The following PRSS36 variants were observed in gnomAD, a reference collection of about 807,000 sequenced individuals.
PRSS36 encodes the protein serine protease 36, also known as polyserase-2.
In PRSS36, 90 loss-of-function variants were observed where a neutral mutation model predicts 94.3. That is an observed-to-expected ratio of 0.95 (90% confidence interval 0.80 to 1.14). The LOEUF (loss-of-function observed/expected upper bound fraction) is 1.14. Among genes scored for constraint, PRSS36 ranks in the 50% most tolerant of loss-of-function variants. The pLI is 0.00. For synonymous variants in PRSS36, 500 were observed against 489.6 expected (o/e 1.02, Z -0.28); for missense variants, 1,158 against 1,135.0 (o/e 1.02, Z -0.29).
chr16:31,143,947 C>T, intron 6 of PRSS36, 110 bp from the exon 7 acceptor site: 2 of 1,391,954 alleles, frequency 1.4e-6, no homozygotes, highest in Admixed American at 2.0e-5. Context: ...TCCTAGAAAC[C>T]CTCCTTGGCT....
chr16:31,142,719 C>A lies in PRSS36; in HGVS notation c.1357+18G>T. On this transcript the variant is annotated intron_variant, in intron 9 of 14. Coordinates refer to ENST00000268281, the MANE Select transcript of PRSS36 (RefSeq NM_173502.5). ...CACCGCCCGGTGCCGCCCGGCCCAGCGCCGGTCCCCAGCTCACCCCCGCGG... is the reference window on the plus strand; with the variant it reads ...CACCGCCCGGTGCCGCCCGGCCCAGAGCCGGTCCCCAGCTCACCCCCGCGG... 1 of 1,357,896 alleles carries A rather than the reference C, an allele frequency of 7.4e-7. No individual in the cohort carries two copies. Among genetic ancestry groups the A allele is most frequent in the Non-Finnish European group, 9.5e-7 (1 of 1,054,734 alleles). 84.1% of individuals were successfully genotyped at this position (1,357,896 alleles called of 1,614,324 possible).
Position 31,139,201 on chromosome 16 carries a change from C to CCGT in PRSS36, c.2504_2505insACG (p.Lys835_Ala836insArg). The CCGT allele has an allele frequency of 1.2e-6, 2 of 1,611,094 alleles. No homozygotes were observed. The highest frequency in any genetic ancestry group is 1.7e-6 in the Non-Finnish European group (2 of 1,177,996). ...AGACTGCATGCGGGGATCCCGAGGC[C>CCGT]TTGGCCAGTTCTGGGGGGCAGAGAT... On this transcript the variant is annotated inframe_insertion, in exon 15 of 15. Transcript: ENST00000268281.
intron 8 of PRSS36, 61 bp downstream of exon 8, chr16:31,143,281 G>C (rs1203675774): frequency 7.8e-6 from 12 of 1,531,442 alleles, no homozygotes; most frequent in Non-Finnish European, 1.1e-5. Flanking sequence ...GGGCCGAATG[G>C]ATGGTATCTC....
chr16:31,143,241 GCCC>G (rs555757722), intron 8 of PRSS36, 98 bp downstream of exon 8: 3 of 1,478,186 alleles, frequency 2.0e-6, no homozygotes, highest in Admixed American at 4.7e-5. Context: ...ATGGGACCCC[GCCC>G]CCCCCACACC....
At chr16:31,148,311 A>G (rs919136469) in intron 5 of PRSS36, 84 bp downstream of exon 5, 3 of 1,400,034 alleles carry the variant, frequency 2.1e-6, no homozygotes, top group East Asian at 5.3e-5. Flanking sequence ...CCGTGGCCCC[A>G]CCTCCTGAGG....
rs1209976930 is a variant in PRSS36, at chr16:31,140,428, G to A, written c.2168-13C>T. 1 of 1,612,014 alleles carries A rather than the reference G, an allele frequency of 6.2e-7. No individual in the cohort carries two copies. Among genetic ancestry groups the A allele is most frequent in the South Asian group, 1.1e-5 (1 of 90,748 alleles). Reference sequence around the variant, plus strand: ...GCAGCCACAGGGACTGGGGAGAGGAGACAAAGTTGTTCCAGGGCTCTGGCC... The same window carrying A: ...GCAGCCACAGGGACTGGGGAGAGGAAACAAAGTTGTTCCAGGGCTCTGGCC... On this transcript the variant is annotated splice_polypyrimidine_tract_variant and intron_variant, in intron 13 of 14. Transcript: ENST00000268281.
Position 31,139,352 on chromosome 16 carries a change from G to C in PRSS36, c.2354C>G (p.Ala785Gly), listed in dbSNP as rs2057643238. The C allele has an allele frequency of 1.9e-6, 3 of 1,614,062 alleles. No homozygotes were observed. Among genetic ancestry groups the C allele is most frequent in the Non-Finnish European group, 2.5e-6 (3 of 1,180,036 alleles). The change falls in exon 15 of 15, where the codon GCT (alanine) becomes GGT (glycine). Residue 785 changes from alanine (A) to glycine (G), a missense_variant. By Grantham distance (60) the Ala-to-Gly change is moderately conservative. Transcript: ENST00000268281. ...AAACAGCTCCCGGCTCCCTTGAACAGCCATGCCCACGAGGATCCAGGACCC... is the reference window on the plus strand; with the variant it reads ...AAACAGCTCCCGGCTCCCTTGAACACCCATGCCCACGAGGATCCAGGACCC... ...TEGSWILVGM[A>G]VQGSRELFAA...
In PRSS36 at chr16:31,139,377, C is replaced by G. The variant is rs756658395; in HGVS notation, c.2329G>C (p.Gly777Arg). 4.3e-6 allele frequency: 7 copies of G among 1,614,028 alleles called. No homozygotes were observed. ...GCCATGCCCACGAGGATCCAGGACC[C>G]TTCCGTCATCTGGCACAGGAGGGGC... ...APPLLCQMTEGSWILVGMAVQ... is the reference protein window; with the variant it reads ...APPLLCQMTERSWILVGMAVQ... The change falls in exon 15 of 15, where the codon GGG becomes CGG. Residue 777 changes from glycine to arginine, a missense_variant. Physicochemically the swap from Gly to Arg is moderately radical, Grantham distance 125. Transcript: ENST00000268281.
chr16:31,142,469 C>A lies in PRSS36; in HGVS notation c.1521+12G>T. ...GGGCCCGCGTTCCGCGGGCCCCGCC[C>A]CCGCCGCTTACCCAGCAGCTGCCCA... On this transcript the variant is annotated intron_variant, in intron 10 of 14. Transcript: ENST00000268281. 6.9e-7 allele frequency: 1 copy of A among 1,446,494 alleles called. No individual in the cohort carries two copies. The highest frequency in any genetic ancestry group is 9.1e-7 in the Non-Finnish European group (1 of 1,101,818). The allele number at this position is 1,446,494 out of a possible 1,614,324, so 89.6% of individuals were successfully genotyped here.
At position 31,149,064 on chromosome 16, in the gene PRSS36, A is replaced by G; in HGVS notation, c.272+9T>C. ...GCGGAGAGGGGCCAGGACCAGGGCG[A>G]ATACTCACGTCATGAAACAGTGAGC... On this transcript the variant is annotated intron_variant, in intron 4 of 14. Coordinates refer to ENST00000268281, the MANE Select transcript of PRSS36 (RefSeq NM_173502.5). 6.3e-7 allele frequency: 1 copy of G among 1,587,932 alleles called. No homozygotes were observed. Among genetic ancestry groups the G allele is most frequent in the South Asian group, 1.1e-5 (1 of 87,086 alleles).
intron 9 of PRSS36, 35 bp from the exon 10 acceptor site, chr16:31,142,679 C>A: frequency 7.1e-7 from 1 of 1,401,664 alleles, no homozygotes; most frequent in African/African-American, 1.5e-5. Flanking sequence ...CGCGCTGCGG[C>A]CCAGACGGCC....
At chr16:31,140,445 G>T (rs2057666021) in intron 13 of PRSS36, 30 bp from the exon 14 acceptor site, 1 of 1,608,520 alleles carries the variant, frequency 6.2e-7, no homozygotes, top group Non-Finnish European at 8.5e-7. Context: ...TTGTTCCAGG[G>T]CTCTGGCCTC....
chr16:31,149,308 G>T, intron 3 of PRSS36, 73 bp from the exon 4 acceptor site: 4 of 1,508,904 alleles, frequency 2.7e-6, no homozygotes, highest in Non-Finnish European at 3.6e-6. Flanking sequence ...AACTCAGGAC[G>T]AAGGCCCGTC....
rs1179301444 is a variant in PRSS36 at position 31,148,635 on chromosome 16, G to C, written c.313C>G (p.Leu105Val). The C allele has an allele frequency of 3.7e-6, 6 of 1,612,384 alleles. No homozygotes were observed. In the Admixed American group the frequency reaches 8.3e-5, roughly 22 times the overall value. Residue 105 changes from leucine to valine, a missense_variant, in exon 5 of 15, where the codon CTG becomes GTG. By Grantham distance (32) the Leu-to-Val change is conservative. Coordinates refer to ENST00000268281, the MANE Select transcript of PRSS36 (RefSeq NM_173502.5). Reference protein sequence around the residue: ...LEPAAEWSVLLGVHSQDGPLD... With the variant: ...LEPAAEWSVLVGVHSQDGPLD... ...GGCCCGTCCTGGGAGTGCACGCCCA[G>C]CAGTACCGACCACTCGGCCGCGGGC... is the stretch of plus-strand genomic sequence containing the variant.
intron 5 of PRSS36, 134 bp downstream of exon 5, chr16:31,148,261 C>G (rs2057826432): frequency 5.1e-6 from 5 of 980,330 alleles, no homozygotes; most frequent in Non-Finnish European, 7.2e-6. Context: ...TCCACCGACC[C>G]GCAGAAACCT....
At chr16:31,141,357 T>G in intron 12 of PRSS36, 112 bp downstream of exon 12, 1 of 1,369,844 alleles carries the variant, frequency 7.3e-7, no homozygotes, top group African/African-American at 1.5e-5. Flanking sequence ...CACAGCAAGA[T>G]CTCATTGTTA....
At position 31,142,476 on chromosome 16, in the gene PRSS36, C is replaced by T; in HGVS notation, c.1521+5G>A. 5 of 1,455,520 alleles carry T rather than the reference C, an allele frequency of 3.4e-6. No individual in the cohort carries two copies. Among genetic ancestry groups the T allele is most frequent in the Non-Finnish European group, 4.5e-6 (5 of 1,105,884 alleles). The allele number at this position is 1,455,520 out of a possible 1,614,324, so 90.2% of individuals were successfully genotyped here. A position where few individuals can be genotyped will look rare whatever the true frequency, so the allele number is the denominator to read the frequency against. ...CGTTCCGCGGGCCCCGCCCCCGCCG[C>T]TTACCCAGCAGCTGCCCACCTCCTC... On this transcript the variant is annotated splice_donor_5th_base_variant and intron_variant, in intron 10 of 14. Transcript: ENST00000268281.
In PRSS36 at chr16:31,142,551, G is replaced by A. The variant is rs1317762716; in HGVS notation, c.1451C>T (p.Pro484Leu). 4.6e-6 allele frequency: 7 copies of A among 1,525,256 alleles called. No homozygotes were observed. The highest frequency in any genetic ancestry group is 6.1e-6 in the Non-Finnish European group (7 of 1,140,316). The allele number at this position is 1,525,256 out of a possible 1,614,324, so 94.5% of individuals were successfully genotyped here. Residue 484 changes from proline (P) to leucine (L), a missense_variant, in exon 10 of 15, where the codon CCG (proline) becomes CTG (leucine). Pro to Leu is a moderately conservative substitution (Grantham distance 98). Coordinates refer to ENST00000268281, the MANE Select transcript of PRSS36 (RefSeq NM_173502.5). ...CLYGRQGAAV[P>L]LPGDPPHALC... ...CGCGTGCGGCGGGTCTCCGGGCAGCGGTACTGCCGCCCCCTGGCGGCCGTA... is the reference window on the plus strand; with the variant it reads ...CGCGTGCGGCGGGTCTCCGGGCAGCAGTACTGCCGCCCCCTGGCGGCCGTA...
rs1446691399 is a variant in PRSS36 at position 31,140,322 on chromosome 16, T to G, written c.2261A>C (p.Tyr754Ser). ...ACACCTGTTCTCCTGCCCCTCTGCA[T>G]ACAGGACACAGAGGGTTCCAGGGGG... The part of the protein sequence containing the change: ...ILPPGTLCVL[Y>S]AEGQENRCEM... Residue 754 changes from tyrosine to serine, a missense_variant, in exon 14 of 15, where the codon TAT (tyrosine) becomes TCT (serine). Transcript: ENST00000268281. 6.2e-7 allele frequency: 1 copy of G among 1,613,798 alleles called. No homozygotes were observed. The highest frequency in any genetic ancestry group is 1.1e-5 in the South Asian group (1 of 90,958).
Sources: allele counts gnomAD v4.1 joint callset, GRCh38; gene constraint gnomAD v4.1.1; transcripts MANE v1.5; gene names NCBI Gene and HGNC (gene_info 2026-07-23, HGNC 2026-07-21).